NPFFR1: variants seen among roughly 807,000 people sequenced by gnomAD.
NPFFR1 encodes G-protein coupled receptor 147.
In NPFFR1, 17 loss-of-function variants were observed where a neutral mutation model predicts 12.7. The observed-to-expected ratio is 1.34, with a 90% CI of 0.92 to 2.01. The LOEUF (loss-of-function observed/expected upper bound fraction) is 2.01. Ranked by LOEUF, NPFFR1 falls within the 30% of genes most tolerant of loss-of-function variation. NPFFR1 has a pLI of 0.00. For synonymous variants in NPFFR1, 296 were observed against 264.5 expected, an observed-to-expected ratio of 1.12 and a Z score of -1.16; for missense variants, 604 against 606.5, an observed-to-expected ratio of 1.00 and a Z score of 0.04.
chr10:70,272,626 G>A (rs1358859155), intron 1 of NPFFR1, among the ~76,000 whole-genome samples: 1 of 152,242 alleles, frequency 6.6e-6, no homozygotes, highest in African/African-American at 2.4e-5. Flanking sequence ...TGCTTGGATT[G>A]TTCGGTTAAA....
chr10:70,271,977 C>A (rs1047020904), intron 1 of NPFFR1, among the ~76,000 whole-genome samples: 1 of 151,440 alleles, frequency 6.6e-6, no homozygotes, highest in African/African-American at 2.4e-5. Flanking sequence ...ATTAGCCAGG[C>A]GTGGTGGTGG....
intron 2 of NPFFR1, among the ~76,000 whole-genome samples, chr10:70,264,097 G>A (rs976205943): frequency 2.0e-5 from 3 of 151,934 alleles, no homozygotes; most frequent in South Asian, 2.1e-4. Flanking sequence ...AAAAGAGGCC[G>A]GTGTGGTGGT....
rs1840711889 is a variant in NPFFR1, at chr10:70,267,860, A to C, written c.8-1469T>G. On this transcript the variant is annotated intron_variant, in intron 1 of 3. Transcript: ENST00000277942. ...AGGGCTGCAGGGACCAGCAGGGGGCACTGCGGTGAGTGTTGGGATGGGGCA... is the reference window on the plus strand; with the variant it reads ...AGGGCTGCAGGGACCAGCAGGGGGCCCTGCGGTGAGTGTTGGGATGGGGCA... 2.6e-5 allele frequency among the ~76,000 whole-genome samples: 4 copies of C among 152,164 alleles called. 1 individual carries two copies. In the South Asian group the frequency reaches 8.3e-4, roughly 32 times the overall value.
intron 3 of NPFFR1, among the ~76,000 whole-genome samples, chr10:70,258,072 G>A (rs914852553): frequency 1.4e-4 from 22 of 152,082 alleles, no homozygotes; most frequent in Admixed American, 2.0e-4. Flanking sequence ...GACCGGTGCC[G>A]GCGCAGGTCC....
At position 70,254,889 on chromosome 10, in the gene NPFFR1, C is replaced by T. The variant is rs1412348175; in HGVS notation, c.*68G>A. 2.9e-6 allele frequency: 4 copies of T among 1,369,522 alleles called. No individual in the cohort carries two copies. In the African/African-American group the frequency reaches 4.6e-5, roughly 16 times the overall value. 84.8% of individuals were successfully genotyped at this position (1,369,522 alleles called of 1,614,324 possible). Reference sequence around the variant, plus strand: ...ATCCTCACCTAACCACACCAGGCCGCTATCGCCTGCATGTATCTCGTGTCC... The same window carrying T: ...ATCCTCACCTAACCACACCAGGCCGTTATCGCCTGCATGTATCTCGTGTCC... On this transcript the variant is annotated 3_prime_UTR_variant, in exon 4 of 4. Coordinates refer to ENST00000277942, the MANE Select transcript of NPFFR1 (RefSeq NM_022146.5).
At chr10:70,269,345 T>G (rs2136803301) in intron 1 of NPFFR1, among the ~76,000 whole-genome samples, 1 of 151,990 alleles carries the variant, frequency 6.6e-6, no homozygotes, top group Admixed American at 6.6e-5. Context: ...TTTGTAGAGA[T>G]GAGGTCTCAC....
At chr10:70,264,496 T>C (rs1389141648) in intron 2 of NPFFR1, among the ~76,000 whole-genome samples, 3 of 151,652 alleles carry the variant, frequency 2.0e-5, no homozygotes, top group Non-Finnish European at 4.4e-5. Flanking sequence ...ATCCATACAA[T>C]GGAATTCTAA....
chr10:70,261,813 G>A (rs919780170), intron 2 of NPFFR1, among the ~76,000 whole-genome samples: 1 of 151,762 alleles, frequency 6.6e-6, no homozygotes, highest in Admixed American at 6.6e-5. Context: ...ATAGGGTCTC[G>A]CTCTGTCACT....
At chr10:70,272,227 A>AGAAG (rs1840756073) in intron 1 of NPFFR1, among the ~76,000 whole-genome samples, 1 of 6,764 alleles carries the variant, frequency 1.5e-4, no homozygotes, top group South Asian at 3.0e-3. Flanking sequence ...AAAGAAAGAA[A>AGAAG]GAAAGAAAGA....
intron 3 of NPFFR1, among the ~76,000 whole-genome samples, chr10:70,258,851 G>C (rs1240904316): frequency 2.6e-5 from 4 of 152,200 alleles, no homozygotes; most frequent in African/African-American, 4.8e-5. Context: ...TCTCAGTCAA[G>C]TGTCCTTTCC....
At chr10:70,260,917 C>G (rs1219091729) in intron 2 of NPFFR1, among the ~76,000 whole-genome samples, 178 bp from the exon 3 acceptor site, 1 of 152,056 alleles carries the variant, frequency 6.6e-6, no homozygotes, top group Non-Finnish European at 1.5e-5. Context: ...CCCATAAAAC[C>G]ATGGACAGTT....
intron 3 of NPFFR1, among the ~76,000 whole-genome samples, chr10:70,259,897 C>T (rs1207081933): frequency 6.6e-6 from 1 of 152,116 alleles, no homozygotes; most frequent in African/African-American, 2.4e-5. Flanking sequence ...ACCCACCCAA[C>T]ATGATACACC....
At position 70,269,509 on chromosome 10, in the gene NPFFR1, AC is replaced by A. The variant is rs1015044950; in HGVS notation, c.8-3119del. 5.0e-5 allele frequency among the ~76,000 whole-genome samples: 7 copies of A among 140,946 alleles called. No individual in the cohort carries two copies. The South Asian group carries it at 1.4e-3, about 28-fold the overall frequency. 92.5% of individuals were successfully genotyped at this position (140,946 alleles called of 152,430 possible). ...CTAAGGATTATTGCCTAGACTCCCCACTGCATTTTTTTTTTTTTTGAGACGG... is the reference window on the plus strand; with the variant it reads ...CTAAGGATTATTGCCTAGACTCCCCATGCATTTTTTTTTTTTTTGAGACGG... On this transcript the variant is annotated intron_variant, in intron 1 of 3. Transcript: ENST00000277942.
intron 1 of NPFFR1, 60 bp from the exon 2 acceptor site, chr10:70,266,451 C>T: frequency 7.3e-7 from 1 of 1,367,264 alleles, no homozygotes; most frequent in Non-Finnish European, 1.0e-6. Context: ...ACCGATTTCT[C>T]ACCACTAATG....
chr10:70,271,200 T>C (rs1386684978), intron 1 of NPFFR1, among the ~76,000 whole-genome samples: 1 of 152,122 alleles, frequency 6.6e-6, no homozygotes, highest in Non-Finnish European at 1.5e-5. Context: ...CTGTGCAAAC[T>C]CAGCATTCTC....
intron 3 of NPFFR1, among the ~76,000 whole-genome samples, chr10:70,259,293 A>AG (rs2136793855): frequency 6.6e-6 from 1 of 151,654 alleles, no homozygotes; most frequent in African/African-American, 2.4e-5. Flanking sequence ...CCCCCCTCAA[A>AG]AAAAAAAAAG....
chr10:70,283,133 TG>T (rs1372004325), intron 1 of NPFFR1, among the ~76,000 whole-genome samples: 95 of 4,878 alleles, frequency 0.019, no homozygotes, highest in Non-Finnish European at 0.022. Flanking sequence ...TCTCTCTTTT[TG>T]TGTGTGTGTG....
chr10:70,261,383 C>T (rs1269496633), intron 2 of NPFFR1, among the ~76,000 whole-genome samples: 1 of 152,166 alleles, frequency 6.6e-6, no homozygotes, highest in Non-Finnish European at 1.5e-5. Flanking sequence ...CCTCTTTCCT[C>T]TATAAATTAC....
At chr10:70,257,838 T>C (rs1840588819) in intron 3 of NPFFR1, among the ~76,000 whole-genome samples, 2 of 152,244 alleles carry the variant, frequency 1.3e-5, no homozygotes, top group South Asian at 4.1e-4. Flanking sequence ...AGTGCTGCCT[T>C]GTTATTCTTT....
Sources: gnomAD v4.1 joint callset for allele counts (sites outside exome capture counted in the v4.1 genomes callset) on GRCh38, gnomAD v4.1.1 for gene constraint, MANE v1.5 for transcripts, NCBI Gene and HGNC (gene_info 2026-07-23, HGNC 2026-07-21) for gene names.